Variants in CNKSR2 observed in about 807,000 individuals in gnomAD.
CNKSR2 encodes CNK homolog protein 2.
In CNKSR2, 14 loss-of-function variants were observed where a neutral mutation model predicts 84.4. The observed-to-expected ratio is 0.17, with a 90% confidence interval of 0.11 to 0.26. CNKSR2 has a LOEUF of 0.26. Ranked by LOEUF, CNKSR2 falls within the 10% of genes least tolerant of loss-of-function variation. The pLI is 1.00. For missense variants in CNKSR2, 485 were observed against 771.2 expected, an observed-to-expected ratio of 0.63 and a Z score of 4.40; for synonymous variants, 275 against 277.9, an observed-to-expected ratio of 0.99 and a Z score of 0.10.
rs937524763 is a variant in CNKSR2, at chrX:21,652,990, C to G, written c.*469C>G. On this transcript the variant is annotated 3_prime_UTR_variant, in exon 22 of 22. Coordinates refer to ENST00000379510, the MANE Select transcript of CNKSR2 (RefSeq NM_014927.5). ...TCTAAGAATTTTCTTAAACATTGCA[C>G]AAAGTTTAATGCTGTAGTTTTATTT... is the stretch of plus-strand genomic sequence containing the variant. 4 of 113,191 alleles carry G rather than the reference C, an allele frequency of 3.5e-5. No individual in the cohort carries two copies. Among genetic ancestry groups the G allele is most frequent in the African/African-American group, 1.3e-4 (4 of 30,919 alleles). The allele number at this position is 113,191 out of a possible 1,213,427, so 9.3% of individuals were successfully genotyped here. A position where few individuals can be genotyped will look rare whatever the true frequency, so the allele number is the denominator to read the frequency against.
intron 3 of CNKSR2, among the ~76,000 whole-genome samples, chrX:21,437,416 G>A (rs1238156628): frequency 5.9e-5 from 6 of 101,703 alleles, no homozygotes; most frequent in Non-Finnish European, 2.0e-5. Context: ...TGGTCTCTAT[G>A]TAGTTTTTTT....
chrX:21,476,379 T>C (rs2091260956), intron 5 of CNKSR2, among the ~76,000 whole-genome samples: 1 of 111,667 alleles, frequency 9.0e-6, no homozygotes, highest in South Asian at 3.8e-4. Context: ...TTGCATTTCT[T>C]TCATAATGAA....
In CNKSR2 at chrX:21,609,173, A is replaced by T. The variant is rs1160554444; in HGVS notation, c.2248A>T (p.Thr750Ser). ...SSHEEFRQEV[T>S]GSSAVSPIRK... ...TCATGAGGAGTTTCGCCAGGAAGTA[A>T]CTGGGAGCAGTGCAGTGTCTCCCAT... The change falls in exon 20 of 22, where the codon ACT (threonine) becomes TCT (serine). Residue 750 changes from threonine to serine, a missense_variant. Thr to Ser is a moderately conservative substitution (Grantham distance 58). Coordinates refer to ENST00000379510, the MANE Select transcript of CNKSR2 (RefSeq NM_014927.5). 14 of 1,209,590 alleles carry T rather than the reference A, an allele frequency of 1.2e-5. No individual in the cohort carries two copies. The highest frequency in any genetic ancestry group is 2.3e-4 in the Middle Eastern group (1 of 4,373).
At chrX:21,491,275 G>A (rs1397848545) in intron 6 of CNKSR2, 1 of 111,571 alleles carries the variant, frequency 9.0e-6, no homozygotes, top group Non-Finnish European at 1.9e-5. Context: ...CAAGAAACTG[G>A]CTAGAGAATA....
intron 5 of CNKSR2, among the ~76,000 whole-genome samples, chrX:21,486,872 C>A (rs933475327): frequency 2.7e-5 from 3 of 111,536 alleles, no homozygotes; most frequent in Non-Finnish European, 5.7e-5. Flanking sequence ...TTCCCTGGAA[C>A]TTTCCTATAG....
At chrX:21,419,956 G>C (rs147846617) in intron 1 of CNKSR2, among the ~76,000 whole-genome samples, 1 of 112,583 alleles carries the variant, frequency 8.9e-6, no homozygotes, top group East Asian at 2.8e-4. Flanking sequence ...GCCAAAGCCA[G>C]TGGGCTTGTG....
intron 20 of CNKSR2, among the ~76,000 whole-genome samples, chrX:21,610,199 A>G (rs1245870681): frequency 8.9e-6 from 1 of 112,693 alleles, no homozygotes; most frequent in African/African-American, 3.2e-5. Flanking sequence ...CTAGAAACCA[A>G]TTTTCCAAAA....
chrX:21,591,000 A>G, intron 14 of CNKSR2, 22 bp from the exon 15 acceptor site: 4 of 1,169,523 alleles, frequency 3.4e-6, no homozygotes, highest in Non-Finnish European at 4.6e-6. Context: ...GACAAAATTG[A>G]AAGAGCATTT....
intron 10 of CNKSR2, among the ~76,000 whole-genome samples, chrX:21,529,490 T>G (rs2091866308): frequency 9.0e-6 from 1 of 111,440 alleles, no homozygotes; most frequent in Admixed American, 9.6e-5. Flanking sequence ...TGTGTGCCAT[T>G]AAATATAAAG....
At chrX:21,463,155 C>A (rs1319246050) in intron 4 of CNKSR2, among the ~76,000 whole-genome samples, 1 of 111,200 alleles carries the variant, frequency 9.0e-6, no homozygotes, top group Middle Eastern at 4.2e-3. Context: ...TATGTTGAAC[C>A]ATCCTTGCAA....
intron 20 of CNKSR2, among the ~76,000 whole-genome samples, chrX:21,646,549 G>T (rs758283535): frequency 1.8e-5 from 2 of 111,365 alleles, no homozygotes; most frequent in African/African-American, 6.5e-5. Context: ...CAAAATATAT[G>T]TACCCTTCTA....
At chrX:21,404,083 A>G (rs2090229628) in intron 1 of CNKSR2, among the ~76,000 whole-genome samples, 2 of 112,213 alleles carry the variant, frequency 1.8e-5, no homozygotes, top group South Asian at 7.4e-4. Flanking sequence ...TGAAAGATCC[A>G]GTGTACCTAA....
intron 1 of CNKSR2, among the ~76,000 whole-genome samples, chrX:21,421,060 A>C (rs907373930): frequency 9.0e-6 from 1 of 111,453 alleles, no homozygotes; most frequent in South Asian, 3.8e-4. Flanking sequence ...TCAGGTTCCA[A>C]CTGCCAGGAT....
intron 4 of CNKSR2, among the ~76,000 whole-genome samples, chrX:21,449,303 CAA>C (rs11308049): frequency 0.02 from 908 of 44,350 alleles, 18 homozygotes; most frequent in African/African-American, 0.062. Context: ...GACTCCGTCT[CAA>C]AAAAAAAAAA....
intron 11 of CNKSR2, among the ~76,000 whole-genome samples, chrX:21,551,360 ATAATT>A (rs1006579664): frequency 1.8e-5 from 2 of 112,674 alleles, no homozygotes; most frequent in Non-Finnish European, 3.7e-5. Context: ...AACTTAAAGT[ATAATT>A]TAAGAGAAAG....
chrX:21,471,084 A>G (rs917521410), intron 5 of CNKSR2, among the ~76,000 whole-genome samples: 1 of 111,980 alleles, frequency 8.9e-6, no homozygotes, highest in Non-Finnish European at 1.9e-5. Flanking sequence ...AGAATTTGAA[A>G]TGAGAATTTC....
chrX:21,406,839 C>T (rs574024753), intron 1 of CNKSR2, among the ~76,000 whole-genome samples: 1 of 111,788 alleles, frequency 8.9e-6, no homozygotes, highest in South Asian at 3.7e-4. Flanking sequence ...AATCCTGTTG[C>T]CAAATCACAG....
intron 9 of CNKSR2, among the ~76,000 whole-genome samples, chrX:21,518,405 A>G (rs1010374156): frequency 6.3e-5 from 7 of 111,340 alleles, no homozygotes; most frequent in Non-Finnish European, 1.3e-4. Flanking sequence ...TAAGCACCAA[A>G]AATACCCTAG....
chrX:21,496,711 A>G (rs1314993641), intron 6 of CNKSR2, among the ~76,000 whole-genome samples: 1 of 111,528 alleles, frequency 9.0e-6, no homozygotes, highest in Non-Finnish European at 1.9e-5. Flanking sequence ...TTAACATTGT[A>G]GCAATTGCTT....
Sources: allele counts gnomAD v4.1 joint callset (sites outside exome capture counted in the v4.1 genomes callset), GRCh38; gene constraint gnomAD v4.1.1; transcripts MANE v1.5; gene names NCBI Gene and HGNC (gene_info 2026-07-23, HGNC 2026-07-21).